Variants in FKBP15 observed in about 807,000 individuals in gnomAD.
The protein encoded by FKBP15 is FK506-binding protein 15.
A neutral mutation model predicts 158.1 loss-of-function variants in FKBP15; 106 were observed. The ratio of observed to expected loss-of-function variants is 0.67; its 90% confidence interval spans 0.57 to 0.79. FKBP15 has a LOEUF of 0.79. Among genes scored for constraint, FKBP15 ranks in the 30% least tolerant of loss-of-function variants. FKBP15 has a pLI of 0.00. For missense variants in FKBP15, 1,287 were observed against 1,479.1 expected (o/e 0.87, Z 2.13); for synonymous variants, 547 against 548.6 (o/e 1.00, Z 0.04).
chr9:113,181,469 C>T (rs1830394498), intron 19 of FKBP15, among the ~76,000 whole-genome samples: 1 of 152,148 alleles, frequency 6.6e-6, no homozygotes, highest in African/African-American at 2.4e-5. Context: ...CAAAAGAAAT[C>T]ACTGACAAGA....
chr9:113,186,245 C>T lies in FKBP15; in HGVS notation c.1498+4G>A. 6.4e-7 allele frequency: 1 copy of T among 1,554,072 alleles called. No homozygotes were observed. The highest frequency in any genetic ancestry group is 1.2e-5 in the South Asian group (1 of 84,208). ...GATGAGAAACTGAGGGAATTACTCC[C>T]TACCTTGGAAATGGGGAGGCTGAGA... is the stretch of plus-strand genomic sequence containing the variant. On this transcript the variant is annotated splice_donor_region_variant and intron_variant, in intron 15 of 27. Coordinates refer to ENST00000238256, the MANE Select transcript of FKBP15 (RefSeq NM_015258.2).
Position 113,202,707 on chromosome 9 carries a change from T to C in FKBP15, c.400-78A>G. ...AACATGACGGCCTAAGCTCATAGAGTAGGGTCTTGACTCAGGTGGACCCAA... is the reference window on the plus strand; with the variant it reads ...AACATGACGGCCTAAGCTCATAGAGCAGGGTCTTGACTCAGGTGGACCCAA... On this transcript the variant is annotated intron_variant, in intron 5 of 27. Coordinates refer to ENST00000238256, the MANE Select transcript of FKBP15 (RefSeq NM_015258.2). The C allele has an allele frequency of 2.5e-6, 3 of 1,188,254 alleles. No homozygotes were observed. The South Asian group carries it at 4.0e-5, about 16-fold the overall frequency. 73.6% of individuals were successfully genotyped at this position (1,188,254 alleles called of 1,614,324 possible).
In FKBP15 at chr9:113,210,359, A is replaced by T. The variant is rs1830976782; in HGVS notation, c.169+1118T>A. ...TTTTTTTTTTTTTTTTTTGAGACGGAGTCTTGCTCTGTTGCCAGGCTGGAG... is the reference window on the plus strand; with the variant it reads ...TTTTTTTTTTTTTTTTTTGAGACGGTGTCTTGCTCTGTTGCCAGGCTGGAG... On this transcript the variant is annotated intron_variant, in intron 2 of 27. Coordinates refer to ENST00000238256, the MANE Select transcript of FKBP15 (RefSeq NM_015258.2). Among the ~76,000 whole-genome samples, 3 of 120,932 alleles carry T rather than the reference A, an allele frequency of 2.5e-5. No homozygotes were observed. The South Asian group carries it at 7.9e-4, about 32-fold the overall frequency. The allele number at this position is 120,932 out of a possible 152,430, so 79.3% of individuals were successfully genotyped here.
chr9:113,181,330 G>A (rs990609732), intron 19 of FKBP15, among the ~76,000 whole-genome samples: 14 of 152,130 alleles, frequency 9.2e-5, no homozygotes, highest in African/African-American at 3.4e-4. Flanking sequence ...TATGACCTAT[G>A]AGCCAAACTG....
At chr9:113,168,597 C>T (rs1830139085) in intron 26 of FKBP15, 41 bp from the exon 27 acceptor site, 1 of 1,577,894 alleles carries the variant, frequency 6.3e-7, no homozygotes. Context: ...ATTGTTCCTG[C>T]TCCAGGTCAC....
In FKBP15 at chr9:113,202,629, C is replaced by G. The variant is rs1331712094; in HGVS notation, c.400G>C (p.Val134Leu). 6.4e-7 allele frequency: 1 copy of G among 1,559,638 alleles called. No individual in the cohort carries two copies. The highest frequency in any genetic ancestry group is 8.7e-7 in the Non-Finnish European group (1 of 1,149,388). Reference protein sequence around the residue: ...ARIHVNFELMVRPNNYSTFYD... With the variant: ...ARIHVNFELMLRPNNYSTFYD... ...AAGGTGCTATAGTTATTGGGCCGAA[C>G]CTGGAGAAAGGAGAAATGTTAAATT... Residue 134 changes from valine (V) to leucine (L), a missense_variant and splice_region_variant, in exon 6 of 28, where the codon GTT becomes CTT. Transcript: ENST00000238256.
intron 4 of FKBP15, among the ~76,000 whole-genome samples, chr9:113,203,339 G>A (rs1830829360): frequency 6.6e-6 from 1 of 152,104 alleles, no homozygotes; most frequent in African/African-American, 2.4e-5. Context: ...AATACAAATT[G>A]TTTTTAAATT....
Position 113,169,952 on chromosome 9 carries a change from A to C in FKBP15, c.2767-10T>G. On this transcript the variant is annotated splice_polypyrimidine_tract_variant and intron_variant, in intron 25 of 27. Coordinates refer to ENST00000238256, the MANE Select transcript of FKBP15 (RefSeq NM_015258.2). ...GCTGAAGAGTCACCATCTATTCAAAAGCCAAGGAAGAGATGGTCACTGAAA... is the reference window on the plus strand; with the variant it reads ...GCTGAAGAGTCACCATCTATTCAAACGCCAAGGAAGAGATGGTCACTGAAA... The C allele has an allele frequency of 2.0e-6, 3 of 1,528,372 alleles. No homozygotes were observed. The highest frequency in any genetic ancestry group is 8.8e-7 in the Non-Finnish European group (1 of 1,140,174). 94.7% of individuals were successfully genotyped at this position (1,528,372 alleles called of 1,614,324 possible).
rs1166533781 is a variant in FKBP15 at position 113,194,422 on chromosome 9, AAAAT to A, written c.865-257_865-254del. Among the ~76,000 whole-genome samples the A allele has an allele frequency of 4.0e-5, 6 of 148,676 alleles. No individual in the cohort carries two copies. In the South Asian group the frequency reaches 1.3e-3, roughly 31 times the overall value. On this transcript the variant is annotated intron_variant, in intron 9 of 27. Transcript: ENST00000238256. ...CCTAAAACTTAAAGTATAATAATAA[AAAAT>A]AAATAAATAAATAATAAATAAATTA...
rs763479197 is a variant in FKBP15 at position 113,182,827 on chromosome 9, T to C, written c.1853A>G (p.Asn618Ser). The C allele has an allele frequency of 8.7e-6, 14 of 1,613,678 alleles. No homozygotes were observed. The highest frequency in any genetic ancestry group is 1.3e-5 in the African/African-American group (1 of 74,900). ...QSNLMMEKRN[N>S]SLQTATENTQ... ...GTTTTCTGTGGCTGTCTGAAGTGAG[T>C]TGTTCCTCTTCTCCATCATCAGGTT... The change falls in exon 19 of 28, where the codon AAC becomes AGC. Residue 618 changes from asparagine (N) to serine (S), a missense_variant. Physicochemically the swap from Asn to Ser is conservative, Grantham distance 46. Transcript: ENST00000238256.
At position 113,173,595 on chromosome 9, in the gene FKBP15, A is replaced by G; in HGVS notation, c.2390T>C (p.Val797Ala). The stretch of plus-strand genomic sequence containing the variant: ...CCACTGGGTCTGTAGCTCAGCCTGT[A>G]CTAAAGACAGCTGCCAAGAGAAAGT... ...DQAAAEQLSLVQAELQTQWEA... is the reference protein window; with the variant it reads ...DQAAAEQLSLAQAELQTQWEA... The change falls in exon 23 of 28, where the codon GTA becomes GCA. Residue 797 changes from valine to alanine, a missense_variant. Physicochemically the swap from Val to Ala is moderately conservative, Grantham distance 64. Transcript: ENST00000238256. The G allele has an allele frequency of 6.2e-7, 1 of 1,613,754 alleles. No homozygotes were observed. Among genetic ancestry groups the G allele is most frequent in the South Asian group, 1.1e-5 (1 of 91,062 alleles).
intron 4 of FKBP15, among the ~76,000 whole-genome samples, chr9:113,205,034 G>A (rs191649015): frequency 3.9e-4 from 59 of 152,138 alleles, no homozygotes; most frequent in African/African-American, 1.3e-3. Context: ...TTTACCGTAG[G>A]CCCAACTTGT....
intron 27 of FKBP15, among the ~76,000 whole-genome samples, chr9:113,166,366 C>T (rs950560418): frequency 2.0e-5 from 3 of 152,208 alleles, no homozygotes; most frequent in African/African-American, 7.2e-5. Flanking sequence ...TCAACAGAGA[C>T]AAAAGATGAA....
chr9:113,190,369 A>T, intron 12 of FKBP15, 102 bp downstream of exon 12: 1 of 934,738 alleles, frequency 1.1e-6, no homozygotes, highest in Non-Finnish European at 1.7e-6. Context: ...CTCTCTAAAT[A>T]ATGATTCTGC....
chr9:113,186,457 G>T, intron 14 of FKBP15, 94 bp from the exon 15 acceptor site: 1 of 910,138 alleles, frequency 1.1e-6, no homozygotes, highest in Non-Finnish European at 1.7e-6. Context: ...TGGATGAGCT[G>T]GGAGGAGACT....
intron 4 of FKBP15, among the ~76,000 whole-genome samples, chr9:113,205,134 C>A (rs1293312256): frequency 6.6e-6 from 1 of 152,090 alleles, no homozygotes; most frequent in African/African-American, 2.4e-5. Flanking sequence ...GTAATGGATT[C>A]TCAGATAAAA....
intron 7 of FKBP15, 108 bp downstream of exon 7, chr9:113,199,706 A>G: frequency 8.3e-7 from 1 of 1,207,722 alleles, no homozygotes; most frequent in Non-Finnish European, 1.1e-6. Context: ...GGATCCTAAA[A>G]TATTTCTATT....
chr9:113,179,071 C>T (rs994176941), intron 19 of FKBP15, among the ~76,000 whole-genome samples: 1 of 151,756 alleles, frequency 6.6e-6, no homozygotes, highest in East Asian at 1.9e-4. Context: ...CGCTCAGTCA[C>T]CCAGGCTAGA....
intron 8 of FKBP15, among the ~76,000 whole-genome samples, 169 bp from the exon 9 acceptor site, chr9:113,197,247 C>G (rs532274892): frequency 6.6e-6 from 1 of 152,150 alleles, no homozygotes; most frequent in Non-Finnish European, 1.5e-5. Flanking sequence ...CTAGAATACA[C>G]CCTCTAAACC....
Sources: allele counts gnomAD v4.1 joint callset (sites outside exome capture counted in the v4.1 genomes callset), GRCh38; gene constraint gnomAD v4.1.1; transcripts MANE v1.5; gene names NCBI Gene and HGNC (gene_info 2026-07-23, HGNC 2026-07-21).